The following DUSP22 variants were observed in gnomAD, a reference collection of about 807,000 sequenced individuals.
The protein encoded by DUSP22 is dual specificity phosphatase 22.
DUSP22 carries 24 observed loss-of-function variants against 24.5 expected under a neutral mutation model. That is an observed-to-expected ratio of 0.98 (90% confidence interval 0.71 to 1.38). The LOEUF is 1.38. Among genes scored for constraint, DUSP22 ranks in the 40% most tolerant of loss-of-function variants. DUSP22 has a pLI of 0.00. For missense variants in DUSP22, 330 were observed against 269.2 expected (o/e 1.23, Z -1.58); for synonymous variants, 160 against 106.4 (o/e 1.50, Z -3.10).
At chr6:317,216 C>G (rs1049453941) in intron 3 of DUSP22, among the ~76,000 whole-genome samples, 1 of 152,304 alleles carries the variant, frequency 6.6e-6, no homozygotes, top group African/African-American at 2.4e-5. Flanking sequence ...GCCCAGTCTG[C>G]TTGGACGGCC....
At chr6:293,480 C>T (rs551952596) in intron 1 of DUSP22, among the ~76,000 whole-genome samples, 4 of 152,406 alleles carry the variant, frequency 2.6e-5, no homozygotes, top group African/African-American at 9.6e-5. Flanking sequence ...TTAGATGAGT[C>T]GTCTTTCTGC....
chr6:332,993 C>T (rs541218156), intron 3 of DUSP22, among the ~76,000 whole-genome samples: 1 of 152,424 alleles, frequency 6.6e-6, no homozygotes, highest in East Asian at 1.9e-4. Context: ...AGGAGGTGAT[C>T]AATGTATGTG....
intron 1 of DUSP22, among the ~76,000 whole-genome samples, chr6:293,813 T>C (rs1757203312): frequency 1.3e-5 from 2 of 152,244 alleles, no homozygotes; most frequent in South Asian, 4.1e-4. Context: ...TTTTTTTTTT[T>C]TTTTTGGCGA....
At chr6:314,379 A>G (rs1251512911) in intron 3 of DUSP22, among the ~76,000 whole-genome samples, 3 of 152,284 alleles carry the variant, frequency 2.0e-5, no homozygotes, top group Non-Finnish European at 2.9e-5. Flanking sequence ...GTCCTGCTAC[A>G]TCCATGCAGG....
At chr6:320,809 G>T (rs545018095) in intron 3 of DUSP22, among the ~76,000 whole-genome samples, 10 of 152,420 alleles carry the variant, frequency 6.6e-5, no homozygotes, top group African/African-American at 1.4e-4. Context: ...GGAGGCGGTG[G>T]TCAGTACGGG....
chr6:294,945 G>T (rs1229462663), intron 1 of DUSP22, among the ~76,000 whole-genome samples: 2 of 152,398 alleles, frequency 1.3e-5, no homozygotes, highest in African/African-American at 4.8e-5. Flanking sequence ...CATGTTTAAC[G>T]TGAGATCAGG....
chr6:324,669 C>T (rs1323973420), intron 3 of DUSP22, among the ~76,000 whole-genome samples: 1 of 152,310 alleles, frequency 6.6e-6, no homozygotes, highest in African/African-American at 2.4e-5. Flanking sequence ...TGCTCTGGGT[C>T]AGTGTTTGCC....
At chr6:344,539 C>T (rs1244010605) in intron 4 of DUSP22, among the ~76,000 whole-genome samples, 1 of 152,306 alleles carries the variant, frequency 6.6e-6, no homozygotes, top group Non-Finnish European at 1.5e-5. Context: ...GTCTGCCCAC[C>T]TCAGCCTCTT....
rs528913656 is a variant in DUSP22 at position 314,992 on chromosome 6, G to T, written c.138+3030G>T. Among the ~76,000 whole-genome samples, 11 of 152,418 alleles carry T rather than the reference G, an allele frequency of 7.2e-5. No individual in the cohort carries two copies. The South Asian group carries it at 1.7e-3, about 23-fold the overall frequency. ...AGAAAATAGAAGGTACTGTTATCAG[G>T]CCTTCAGAGTGGCTGTGCCTTGCCT... On this transcript the variant is annotated intron_variant, in intron 3 of 6. Coordinates refer to ENST00000419235, the MANE Select transcript of DUSP22 (RefSeq NM_001286555.3).
rs369725676 is a variant in DUSP22, at chr6:348,131, C to T, written c.292C>T (p.Leu98=). Residue 98 remains leucine (L), a synonymous_variant, in exon 6 of 7, where the codon CTG becomes TTG. Coordinates refer to ENST00000419235, the MANE Select transcript of DUSP22 (RefSeq NM_001286555.3). ...CLAGVSRSVT[L]VIAYIMTVTD... is the part of the protein sequence containing the mutation. The stretch of plus-strand genomic sequence containing the variant: ...GGCCGGGGTCTCCAGGAGCGTGACA[C>T]TGGTGATCGCATACATCATGACCGT... The T allele has an allele frequency of 1.9e-5, 30 of 1,614,158 alleles. No individual in the cohort carries two copies. The highest frequency in any genetic ancestry group is 2.5e-5 in the Non-Finnish European group (29 of 1,180,044).
chr6:347,400 C>T (rs1759934075), intron 5 of DUSP22, among the ~76,000 whole-genome samples: 1 of 152,300 alleles, frequency 6.6e-6, no homozygotes, highest in African/African-American at 2.4e-5. Context: ...CCATCTTAAC[C>T]TGTTGCTAGA....
rs1267875963 is a variant in DUSP22 at position 349,557 on chromosome 6, C to T, written c.*606C>T. ...AGCATGGCCTCTCCCAGAACCCACC[C>T]AGGGTGGTGTGGTGGGGGCAACAGG... On this transcript the variant is annotated 3_prime_UTR_variant, in exon 7 of 7. Transcript: ENST00000419235. 1.2e-5 allele frequency: 12 copies of T among 989,504 alleles called. No individual in the cohort carries two copies. Among genetic ancestry groups the T allele is most frequent in the East Asian group, 1.1e-4 (1 of 8,888 alleles). 61.3% of individuals were successfully genotyped at this position (989,504 alleles called of 1,614,324 possible). A position where few individuals can be genotyped will look rare whatever the true frequency, so the allele number is the denominator to read the frequency against.
intron 1 of DUSP22, among the ~76,000 whole-genome samples, chr6:299,751 C>T (rs1270823289): frequency 6.6e-6 from 1 of 152,310 alleles, no homozygotes; most frequent in Non-Finnish European, 1.5e-5. Context: ...GACTTCCCAT[C>T]CTTGCCAGCA....
chr6:350,368 A>T lies in DUSP22; in HGVS notation c.*1417A>T, dbSNP rs1760138343. ...GGTCTAGTCCTTTATACCGACTCAGATTCCTTAAGCATGCAGAGTCACTCG... is the reference window on the plus strand; with the variant it reads ...GGTCTAGTCCTTTATACCGACTCAGTTTCCTTAAGCATGCAGAGTCACTCG... On this transcript the variant is annotated 3_prime_UTR_variant, in exon 7 of 7. Transcript: ENST00000419235. 7 of 1,063,992 alleles carry T rather than the reference A, an allele frequency of 6.6e-6. No homozygotes were observed. Among genetic ancestry groups the T allele is most frequent in the Non-Finnish European group, 6.8e-6 (6 of 878,346 alleles). 65.9% of individuals were successfully genotyped at this position (1,063,992 alleles called of 1,614,324 possible). A position where few individuals can be genotyped will look rare whatever the true frequency, so the allele number is the denominator to read the frequency against.
rs1321610064 is a variant in DUSP22, at chr6:349,226, TGTG to T, written c.*276_*278del. The T allele has an allele frequency of 1.5e-5, 21 of 1,377,762 alleles. No individual in the cohort carries two copies. Among genetic ancestry groups the T allele is most frequent in the Non-Finnish European group, 2.0e-5 (21 of 1,064,746 alleles). The allele number at this position is 1,377,762 out of a possible 1,614,324, so 85.3% of individuals were successfully genotyped here. On this transcript the variant is annotated 3_prime_UTR_variant, in exon 7 of 7. Transcript: ENST00000419235. ...GCACGTGCGTGTGTGTGAGTGCACT[TGTG>T]TGTGGGTGACTAAGTGGATGCATGT...
In DUSP22 at chr6:348,889, C is replaced by A; in HGVS notation, c.556C>A (p.Arg186=). 3.7e-6 allele frequency: 6 copies of A among 1,614,124 alleles called. No individual in the cohort carries two copies. Among genetic ancestry groups the A allele is most frequent in the Middle Eastern group, 1.7e-4 (1 of 6,060 alleles). The change falls in exon 7 of 7, where the codon CGG becomes AGG. Residue 186 remains arginine (R), a synonymous_variant. Coordinates refer to ENST00000419235, the MANE Select transcript of DUSP22 (RefSeq NM_001286555.3). Reference sequence around the variant, plus strand: ...CACAGAGCCCCAGCCCGGCGCCAGGCGGTGGAGCAGTTTTCCGGCACTGGC... The same window carrying A: ...CACAGAGCCCCAGCCCGGCGCCAGGAGGTGGAGCAGTTTTCCGGCACTGGC... The part of the protein sequence containing the change: ...GRTEPQPGAR[R]WSSFPALAPL...
chr6:298,363 TAGAA>T (rs1395683733), intron 1 of DUSP22, among the ~76,000 whole-genome samples: 1 of 152,302 alleles, frequency 6.6e-6, no homozygotes, highest in Non-Finnish European at 1.5e-5. Flanking sequence ...CTTTCTGACA[TAGAA>T]AGAATTAAGA....
chr6:321,170 G>T (rs1561662417), intron 3 of DUSP22, among the ~76,000 whole-genome samples: 2 of 152,428 alleles, frequency 1.3e-5, no homozygotes, highest in East Asian at 3.8e-4. Flanking sequence ...TCTGGGTAGA[G>T]AAAGCTGTGT....
chr6:304,746 G>C (rs1412502741), intron 2 of DUSP22, 85 bp downstream of exon 2: 13 of 1,568,782 alleles, frequency 8.3e-6, no homozygotes, highest in Middle Eastern at 1.7e-4. Context: ...GTATAGGTCA[G>C]TGGCTTTAAG....
Sources: allele counts gnomAD v4.1 joint callset (sites outside exome capture counted in the v4.1 genomes callset), GRCh38; gene constraint gnomAD v4.1.1; transcripts MANE v1.5; gene names NCBI Gene and HGNC (gene_info 2026-07-23, HGNC 2026-07-21).